NTNG2: variants seen among roughly 807,000 people sequenced by gnomAD.
The protein encoded by NTNG2 is netrin G2, also known as netrin-G2.
In NTNG2, 15 loss-of-function variants were observed where a neutral mutation model predicts 47.6. The observed-to-expected ratio is 0.32, with a 90% CI of 0.21 to 0.49. NTNG2 has a LOEUF of 0.49. Ranked by LOEUF, NTNG2 falls within the 20% of genes least tolerant of loss-of-function variation. The pLI is 0.99. For synonymous variants in NTNG2, 307 were observed against 324.6 expected (o/e 0.95, Z 0.58); for missense variants, 578 against 764.6 (o/e 0.76, Z 2.88).
rs1476818252 is a variant in NTNG2 at position 132,196,108 on chromosome 9, A to G, written c.214-1858A>G. 2.0e-5 allele frequency among the ~76,000 whole-genome samples: 3 copies of G among 152,110 alleles called. No homozygotes were observed. The East Asian group carries it at 5.9e-4, about 30-fold the overall frequency. On this transcript the variant is annotated intron_variant, in intron 2 of 7. Coordinates refer to ENST00000393229, the MANE Select transcript of NTNG2 (RefSeq NM_032536.4). ...CATTGTTGATACATTATTATTAACT[A>G]AAGTCCATAATTTACATGAGAGTTC...
intron 2 of NTNG2, among the ~76,000 whole-genome samples, chr9:132,171,021 C>T (rs992027626): frequency 2.0e-5 from 3 of 152,228 alleles, no homozygotes; most frequent in Non-Finnish European, 2.9e-5. Flanking sequence ...CAGGAGCCAA[C>T]AGGAGAGCAC....
intron 2 of NTNG2, among the ~76,000 whole-genome samples, chr9:132,187,128 C>T (rs1837451500): frequency 6.6e-6 from 1 of 152,230 alleles, no homozygotes; most frequent in Non-Finnish European, 1.5e-5. Flanking sequence ...TCAAGGTGGA[C>T]CTGTGCCCAG....
chr9:132,186,690 G>C (rs978382031), intron 2 of NTNG2, among the ~76,000 whole-genome samples: 1 of 152,252 alleles, frequency 6.6e-6, no homozygotes, highest in Non-Finnish European at 1.5e-5. Flanking sequence ...AACCCGAATT[G>C]GTGTAAGAAG....
intron 2 of NTNG2, among the ~76,000 whole-genome samples, chr9:132,189,068 CTTTTTTTTTTTTTTT>C (rs749756559): frequency 2.1e-5 from 2 of 93,232 alleles, no homozygotes; most frequent in Non-Finnish European, 2.1e-5. Context: ...TTAAGCCTTT[CTTTTTTTTTTTTTTT>C]TTTTTTTTTT....
intron 3 of NTNG2, among the ~76,000 whole-genome samples, chr9:132,213,443 G>A (rs182479109): frequency 3.2e-4 from 49 of 151,508 alleles, no homozygotes; most frequent in African/African-American, 1.2e-3. Flanking sequence ...GCCACCCACC[G>A]GCTGGGGAGG....
Position 132,208,051 on chromosome 9 carries a change from T to A in NTNG2, c.857+9442T>A, listed in dbSNP as rs1301028821. On this transcript the variant is annotated intron_variant, in intron 3 of 7. Coordinates refer to ENST00000393229, the MANE Select transcript of NTNG2 (RefSeq NM_032536.4). This position sits in a 1 kb window ranked among gnomAD's most constrained non-coding sequence, Gnocchi z 4.0. ...CCCAGGAAGTCAAGCCTGCAGTGAG[T>A]TATGACTGTGCTACTGCACTCCAGC... 6.6e-6 allele frequency among the ~76,000 whole-genome samples: 1 copy of A among 151,768 alleles called. No homozygotes were observed. Among genetic ancestry groups the A allele is most frequent in the African/African-American group, 2.4e-5 (1 of 41,268 alleles).
chr9:132,173,211 C>A (rs1337444637), intron 2 of NTNG2, among the ~76,000 whole-genome samples: 2 of 152,152 alleles, frequency 1.3e-5, no homozygotes, highest in Non-Finnish European at 2.9e-5. Context: ...CTGCACCAGC[C>A]GTTAAAGCCA....
intron 2 of NTNG2, among the ~76,000 whole-genome samples, chr9:132,169,156 G>A (rs987079396): frequency 1.3e-5 from 2 of 152,250 alleles, no homozygotes; most frequent in Non-Finnish European, 2.9e-5. Context: ...GGTGGGGAAG[G>A]CAGGGGAGAA....
chr9:132,231,853 G>A lies in NTNG2; in HGVS notation c.1054+1258G>A. On this transcript the variant is annotated intron_variant, in intron 5 of 7. Coordinates refer to ENST00000393229, the MANE Select transcript of NTNG2 (RefSeq NM_032536.4). This position sits in a 1 kb window ranked among gnomAD's most constrained non-coding sequence, Gnocchi z 4.1. ...TCTCCTGCTTCTAGCCTGGGTCCCTGCCTCTCTTGGGGTGGGAGGGTCGGC... is the reference window on the plus strand; with the variant it reads ...TCTCCTGCTTCTAGCCTGGGTCCCTACCTCTCTTGGGGTGGGAGGGTCGGC... 1.3e-5 allele frequency: 2 copies of A among 157,528 alleles called. No homozygotes were observed. The highest frequency in any genetic ancestry group is 6.1e-5 in the Admixed American group (1 of 16,434). The allele number at this position is 157,528 out of a possible 1,614,324, so 9.8% of individuals were successfully genotyped here.
At chr9:132,235,395 T>G (rs1190854639) in intron 5 of NTNG2, among the ~76,000 whole-genome samples, 2 of 152,190 alleles carry the variant, frequency 1.3e-5, no homozygotes, top group Non-Finnish European at 2.9e-5. Flanking sequence ...ATGCAGATTC[T>G]CAGGCATGGG....
At chr9:132,195,848 T>A (rs143764418) in intron 2 of NTNG2, among the ~76,000 whole-genome samples, 6 of 152,074 alleles carry the variant, frequency 3.9e-5, no homozygotes, top group Non-Finnish European at 7.4e-5. Flanking sequence ...CCTAGGCTGA[T>A]CTTGAACTCC....
chr9:132,238,727 T>G (rs552736655), intron 5 of NTNG2, among the ~76,000 whole-genome samples: 64 of 152,354 alleles, frequency 4.2e-4, no homozygotes, highest in Non-Finnish European at 7.8e-4. Context: ...CCAGGTGGCA[T>G]GACCCTGCCC....
At chr9:132,214,945 C>G (rs1398603028) in intron 3 of NTNG2, among the ~76,000 whole-genome samples, 1 of 151,930 alleles carries the variant, frequency 6.6e-6, no homozygotes, top group South Asian at 2.1e-4. Context: ...GGCACAATCA[C>G]GGCTCACTGC....
rs138703012 is a variant in NTNG2, at chr9:132,172,753, A to G, written c.213+5709A>G. Among the ~76,000 whole-genome samples, 825 of 115,364 alleles carry G rather than the reference A, an allele frequency of 7.2e-3. 10 individuals carry two copies. The highest frequency in any genetic ancestry group is 0.029 in the African/African-American group (793 of 27,324). The allele number at this position is 115,364 out of a possible 152,430, so 75.7% of individuals were successfully genotyped here. Reference sequence around the variant, plus strand: ...TTTTTTTTTTTTTTTTTTTGGAGTCAAAGTCTCGCTCTGTCGCCCAGGCTG... The same window carrying G: ...TTTTTTTTTTTTTTTTTTTGGAGTCGAAGTCTCGCTCTGTCGCCCAGGCTG... On this transcript the variant is annotated intron_variant, in intron 2 of 7. Transcript: ENST00000393229.
chr9:132,234,646 G>A (rs976116563), intron 5 of NTNG2, among the ~76,000 whole-genome samples: 5 of 152,346 alleles, frequency 3.3e-5, no homozygotes, highest in Admixed American at 2.0e-4. Flanking sequence ...ACAGCGCTGC[G>A]GGCGGAAAAC....
intron 3 of NTNG2, among the ~76,000 whole-genome samples, chr9:132,207,725 T>G (rs1839277338): frequency 6.6e-6 from 1 of 152,100 alleles, no homozygotes; most frequent in Non-Finnish European, 1.5e-5. Context: ...TCCAAGAGCA[T>G]GGAGGGGCTG....
chr9:132,191,862 C>T (rs1332686352), intron 2 of NTNG2, among the ~76,000 whole-genome samples: 4 of 152,228 alleles, frequency 2.6e-5, no homozygotes, highest in Admixed American at 1.3e-4. Context: ...TGAGCCACCG[C>T]GCCCGGCCAT....
intron 4 of NTNG2, 142 bp downstream of exon 4, chr9:132,227,163 A>C: frequency 1.1e-6 from 1 of 936,714 alleles, no homozygotes; most frequent in Non-Finnish European, 1.5e-6. Context: ...ACGTGCACAC[A>C]GAAACATACG....
At position 132,197,968 on chromosome 9, in the gene NTNG2, G is replaced by T. The variant is rs970278886; in HGVS notation, c.216G>T (p.Glu72Asp). 6.2e-7 allele frequency: 1 copy of T among 1,609,040 alleles called. No individual in the cohort carries two copies. The highest frequency in any genetic ancestry group is 8.5e-7 in the Non-Finnish European group (1 of 1,177,444). ...GDPPERFCSH[E>D]NPYLCSNECD... ...CCCTTCTCCTCTCCCCGCTGCAGGA[G>T]AATCCCTACCTATGCAGCAACGAGT... Residue 72 changes from glutamate (E) to aspartate (D), a missense_variant and splice_region_variant, in exon 3 of 8, where the codon GAG becomes GAT. Coordinates refer to ENST00000393229, the MANE Select transcript of NTNG2 (RefSeq NM_032536.4). This position sits in a 1 kb window ranked among gnomAD's most constrained non-coding sequence, Gnocchi z 4.3.
Sources: gnomAD v4.1 joint callset for allele counts (sites outside exome capture counted in the v4.1 genomes callset) on GRCh38, gnomAD v4.1.1 for gene constraint, Gnocchi (gnomAD v3.1) non-coding constraint, MANE v1.5 for transcripts, NCBI Gene and HGNC (gene_info 2026-07-23, HGNC 2026-07-21) for gene names.